KCNIP4: variants seen among roughly 807,000 people sequenced by gnomAD.
KCNIP4 encodes Kv channel-interacting protein 4.
In KCNIP4, 12 loss-of-function variants were observed where a neutral mutation model predicts 34.0. The ratio of observed to expected loss-of-function variants is 0.35; its 90% CI spans 0.23 to 0.57. The LOEUF (loss-of-function observed/expected upper bound fraction) is 0.57. Among genes scored for constraint, KCNIP4 ranks in the 20% least tolerant of loss-of-function variants. The probability of loss-of-function intolerance (pLI) is 0.83; values close to 1 mark genes in which losing one functional copy is unlikely to be tolerated. For synonymous variants in KCNIP4, 124 were observed against 102.2 expected (o/e 1.21, Z -1.29); for missense variants, 238 against 311.7 (o/e 0.76, Z 1.78).
rs141977877 is a variant in KCNIP4, at chr4:21,184,766, T to C, written c.62-302057A>G. Among the ~76,000 whole-genome samples, 362 of 152,292 alleles carry C rather than the reference T, an allele frequency of 2.4e-3. 1 individual carries two copies. Among genetic ancestry groups the C allele is most frequent in the African/African-American group, 8.3e-3 (343 of 41,556 alleles). On this transcript the variant is annotated intron_variant, in intron 1 of 8. Transcript: ENST00000382152. ...TAAGGAAAATCCATCTGAAAGTGTC[T>C]TCCTGATAAACAGTGGTGATTCTTG... is the stretch of plus-strand genomic sequence containing the variant.
At chr4:20,919,528 C>T (rs1480066327) in intron 1 of KCNIP4, among the ~76,000 whole-genome samples, 1 of 151,496 alleles carries the variant, frequency 6.6e-6, no homozygotes, top group Non-Finnish European at 1.5e-5. Context: ...ATGGTGAAAC[C>T]CCATCTCTAC....
chr4:21,527,459 G>A (rs1402236566), intron 1 of KCNIP4, among the ~76,000 whole-genome samples: 2 of 152,132 alleles, frequency 1.3e-5, no homozygotes, highest in Non-Finnish European at 2.9e-5. Flanking sequence ...TGGGCCGCAG[G>A]AAGGACTTGG....
chr4:21,093,631 T>C (rs1747192915), intron 1 of KCNIP4, among the ~76,000 whole-genome samples: 1 of 152,160 alleles, frequency 6.6e-6, no homozygotes, highest in Non-Finnish European at 1.5e-5. Flanking sequence ...TTCTATTTCT[T>C]AGAGATACCG....
At chr4:21,485,878 G>C (rs986620342) in intron 1 of KCNIP4, among the ~76,000 whole-genome samples, 4 of 152,170 alleles carry the variant, frequency 2.6e-5, no homozygotes, top group African/African-American at 9.7e-5. Flanking sequence ...TCACCAAGGA[G>C]GGATGAAGCA....
At chr4:21,865,081 CTTT>C (rs368547106) in intron 1 of KCNIP4, among the ~76,000 whole-genome samples, 6,185 of 151,136 alleles carry the variant, frequency 0.041, 156 homozygotes, top group Middle Eastern at 0.075. Flanking sequence ...TATTGCCTCT[CTTT>C]TTTTTTCTGC....
chr4:21,786,446 A>T (rs1423095506), intron 1 of KCNIP4, among the ~76,000 whole-genome samples: 4 of 152,200 alleles, frequency 2.6e-5, no homozygotes, highest in Non-Finnish European at 5.9e-5. Context: ...TATTATTGCC[A>T]TACTGGCAAG....
At chr4:21,010,214 CT>C (rs1302824324) in intron 1 of KCNIP4, among the ~76,000 whole-genome samples, 1 of 152,188 alleles carries the variant, frequency 6.6e-6, no homozygotes, top group African/African-American at 2.4e-5. Flanking sequence ...CACAAGGCGT[CT>C]TCTTTGATTC....
intron 1 of KCNIP4, among the ~76,000 whole-genome samples, chr4:21,391,928 A>G (rs887959906): frequency 1.3e-5 from 2 of 152,212 alleles, no homozygotes; most frequent in Non-Finnish European, 2.9e-5. Flanking sequence ...TAGGAAGCTG[A>G]AAGTCTAGCC....
chr4:21,887,965 G>A (rs960788167), intron 1 of KCNIP4, among the ~76,000 whole-genome samples: 4 of 152,122 alleles, frequency 2.6e-5, no homozygotes, highest in Non-Finnish European at 1.5e-5. Context: ...TTTATCATTA[G>A]TTGTTCAACT....
chr4:21,200,104 T>C (rs1756358187), intron 1 of KCNIP4, among the ~76,000 whole-genome samples: 1 of 151,980 alleles, frequency 6.6e-6, no homozygotes, highest in Admixed American at 6.6e-5. Context: ...GACAAGTTAA[T>C]GGGTGCAGCA....
At chr4:21,436,939 C>CA (rs1164277611) in intron 1 of KCNIP4, among the ~76,000 whole-genome samples, 2 of 152,202 alleles carry the variant, frequency 1.3e-5, no homozygotes, top group Non-Finnish European at 2.9e-5. Context: ...CATCGTTTTA[C>CA]AAACCAACAA....
intron 1 of KCNIP4, among the ~76,000 whole-genome samples, chr4:21,818,414 C>G (rs763860284): frequency 6.6e-6 from 1 of 152,204 alleles, no homozygotes; most frequent in African/African-American, 2.4e-5. Flanking sequence ...CATTTCTAGA[C>G]AGTAGGTGCT....
At chr4:21,242,639 C>T (rs1182867486) in intron 1 of KCNIP4, among the ~76,000 whole-genome samples, 2 of 152,092 alleles carry the variant, frequency 1.3e-5, no homozygotes, top group African/African-American at 2.4e-5. Flanking sequence ...AAACTTACCC[C>T]TTTTCTTTCT....
chr4:21,710,600 G>A lies in KCNIP4; in HGVS notation c.61+237971C>T, dbSNP rs115254798. On this transcript the variant is annotated intron_variant, in intron 1 of 8. Transcript: ENST00000382152. ...GCAGATCCAGCCACAGCTGACCTTC[G>A]GCCCCATGTGAACTCTGTAGCCAAC... Among the ~76,000 whole-genome samples, 1,339 of 152,128 alleles carry A rather than the reference G, an allele frequency of 8.8e-3. 18 individuals carry two copies. Among genetic ancestry groups the A allele is most frequent in the African/African-American group, 0.031 (1,277 of 41,506 alleles).
At chr4:21,772,232 T>C (rs1253270932) in intron 1 of KCNIP4, among the ~76,000 whole-genome samples, 1 of 152,202 alleles carries the variant, frequency 6.6e-6, no homozygotes, top group African/African-American at 2.4e-5. Context: ...CGTTTATTGA[T>C]TTGCTTATGT....
At position 21,458,636 on chromosome 4, in the gene KCNIP4, C is replaced by T. The variant is rs1174139769; in HGVS notation, c.61+489935G>A. Among the ~76,000 whole-genome samples, 9 of 152,130 alleles carry T rather than the reference C, an allele frequency of 5.9e-5. No homozygotes were observed. The East Asian group carries it at 1.7e-3, about 29-fold the overall frequency. On this transcript the variant is annotated intron_variant, in intron 1 of 8. Coordinates refer to ENST00000382152, the MANE Select transcript of KCNIP4 (RefSeq NM_025221.6). ...GCCATGATGACAGGTCTCACATTAA[C>T]TTCCTGATCGCTAACCTAAAAAAGC...
At chr4:20,826,415 T>A (rs1379417956) in intron 3 of KCNIP4, among the ~76,000 whole-genome samples, 2 of 137,562 alleles carry the variant, frequency 1.5e-5, no homozygotes, top group East Asian at 2.0e-4. Flanking sequence ...ATCTCTAAAA[T>A]TTTTTTTTTT....
At chr4:21,721,456 A>G (rs1281614592) in intron 1 of KCNIP4, among the ~76,000 whole-genome samples, 1 of 152,228 alleles carries the variant, frequency 6.6e-6, no homozygotes, top group Non-Finnish European at 1.5e-5. Flanking sequence ...AAAAATGAAC[A>G]TTAAATGAAG....
At chr4:21,487,701 C>T (rs1253433385) in intron 1 of KCNIP4, among the ~76,000 whole-genome samples, 1 of 152,126 alleles carries the variant, frequency 6.6e-6, no homozygotes, top group Non-Finnish European at 1.5e-5. Flanking sequence ...TTTATTTATT[C>T]CATAATTTGT....
Sources: gnomAD v4.1 joint callset for allele counts (sites outside exome capture counted in the v4.1 genomes callset) on GRCh38, gnomAD v4.1.1 for gene constraint, MANE v1.5 for transcripts, NCBI Gene and HGNC (gene_info 2026-07-23, HGNC 2026-07-21) for gene names.